Variants in DYM observed in about 807,000 individuals in gnomAD.
DYM encodes dymeclin.
In DYM, 78 loss-of-function variants were observed where a neutral mutation model predicts 93.1. That is an observed-to-expected ratio of 0.84 (90% CI 0.70 to 1.01). The LOEUF (loss-of-function observed/expected upper bound fraction) is 1.01, where lower values mean the gene tolerates loss of function less well. DYM is among the 50% of genes least tolerant of loss of function. The pLI is 0.00. For missense variants in DYM, 789 were observed against 845.0 expected, an observed-to-expected ratio of 0.93 and a Z score of 0.82; for synonymous variants, 321 against 319.7, an observed-to-expected ratio of 1.00 and a Z score of -0.04.
At chr18:49,146,951 C>T (rs2085222069) in intron 15 of DYM, among the ~76,000 whole-genome samples, 1 of 152,184 alleles carries the variant, frequency 6.6e-6, no homozygotes, top group Non-Finnish European at 1.5e-5. Flanking sequence ...AACTACACTA[C>T]AAGGCTACAG....
chr18:49,103,955 A>G (rs1599766816), intron 16 of DYM, among the ~76,000 whole-genome samples: 1 of 152,004 alleles, frequency 6.6e-6, no homozygotes, highest in East Asian at 1.9e-4. Flanking sequence ...GAAGAAGGTC[A>G]TTGGTAGCTT....
At chr18:49,241,286 T>C (rs541647944) in intron 13 of DYM, among the ~76,000 whole-genome samples, 3 of 152,318 alleles carry the variant, frequency 2.0e-5, no homozygotes, top group African/African-American at 7.2e-5. Context: ...GCTTTATCAA[T>C]GTCAGGTCTG....
chr18:49,420,317 G>A (rs575376255), intron 2 of DYM, among the ~76,000 whole-genome samples: 82 of 151,964 alleles, frequency 5.4e-4, no homozygotes, highest in South Asian at 1.0e-3. Context: ...ACAGGCGCCC[G>A]CCACCACGCC....
rs557431146 is a variant in DYM at position 49,433,634 on chromosome 18, G to A, written c.-53-3187C>T. On this transcript the variant is annotated intron_variant, in intron 1 of 17. Transcript: ENST00000675505. The stretch of plus-strand genomic sequence containing the variant: ...TATTATCCCAACATTTTGGGAGGCC[G>A]AGGCAGGTGGATCACTTAAGGCCAG... Among the ~76,000 whole-genome samples, 33 of 152,118 alleles carry A rather than the reference G, an allele frequency of 2.2e-4. No homozygotes were observed. The South Asian group carries it at 2.5e-3, about 11-fold the overall frequency.
At chr18:49,072,879 C>T (rs561751999) in intron 17 of DYM, among the ~76,000 whole-genome samples, 1 of 152,286 alleles carries the variant, frequency 6.6e-6, no homozygotes, top group East Asian at 1.9e-4. Context: ...CTATCGTGTG[C>T]CCCTTCCATT....
At chr18:49,351,081 A>G (rs1226856894) in intron 6 of DYM, among the ~76,000 whole-genome samples, 1 of 152,196 alleles carries the variant, frequency 6.6e-6, no homozygotes, top group East Asian at 1.9e-4. Flanking sequence ...GGTTAAATCT[A>G]CAAAGTCCAG....
chr18:49,309,953 C>T (rs1446118892), intron 8 of DYM, among the ~76,000 whole-genome samples: 1 of 152,144 alleles, frequency 6.6e-6, no homozygotes, highest in African/African-American at 2.4e-5. Flanking sequence ...ACAGGGACAA[C>T]ATAATGGTTC....
intron 14 of DYM, among the ~76,000 whole-genome samples, chr18:49,196,934 A>G (rs1225910234): frequency 1.3e-5 from 2 of 152,162 alleles, no homozygotes; most frequent in Admixed American, 6.5e-5. Context: ...AACAGAGAAA[A>G]AAAAGTAGAG....
chr18:49,208,364 A>G (rs1314006090), intron 14 of DYM: 1 of 152,106 alleles, frequency 6.6e-6, no homozygotes, highest in East Asian at 1.9e-4. Context: ...GCCAGTGGAA[A>G]GTCACTGGGT....
At chr18:49,440,304 T>G (rs1324124372) in intron 1 of DYM, among the ~76,000 whole-genome samples, 1 of 136,756 alleles carries the variant, frequency 7.3e-6, no homozygotes, top group East Asian at 2.5e-4. Flanking sequence ...TATTCCAGAA[T>G]CGCTTTCCTC....
intron 2 of DYM, among the ~76,000 whole-genome samples, chr18:49,418,407 A>C (rs2073249351): frequency 6.6e-6 from 1 of 152,160 alleles, no homozygotes; most frequent in South Asian, 2.1e-4. Context: ...ATTATTCTTC[A>C]TTTTGTTTCA....
intron 2 of DYM, among the ~76,000 whole-genome samples, chr18:49,421,427 G>A (rs1179039618): frequency 6.6e-6 from 1 of 152,206 alleles, no homozygotes; most frequent in South Asian, 2.1e-4. Context: ...CAGACCTGCA[G>A]CTGAGGGTCC....
At chr18:49,344,609 A>T (rs2064428967) in intron 6 of DYM, among the ~76,000 whole-genome samples, 1 of 152,206 alleles carries the variant, frequency 6.6e-6, no homozygotes, top group African/African-American at 2.4e-5. Flanking sequence ...TCTTATTTTT[A>T]AATCATTTTT....
intron 8 of DYM, among the ~76,000 whole-genome samples, chr18:49,316,324 T>C (rs1207324436): frequency 6.6e-6 from 1 of 152,084 alleles, no homozygotes. Flanking sequence ...AAGTTAAATA[T>C]AGAGAAATAT....
Position 49,078,054 on chromosome 18 carries a change from T to C in DYM, c.2025+19348A>G, listed in dbSNP as rs886242457. The stretch of plus-strand genomic sequence containing the variant: ...TGCTTTGGGGAAAAAATTATTTGAA[T>C]GTTTTTAAGAATTCTAATTTTTCTG... On this transcript the variant is annotated intron_variant, in intron 17 of 17. Transcript: ENST00000675505. Among the ~76,000 whole-genome samples the C allele has an allele frequency of 5.9e-5, 9 of 152,346 alleles. No homozygotes were observed. In the East Asian group the frequency reaches 1.5e-3, roughly 26 times the overall value.
At chr18:49,124,523 AAG>A (rs1265374246) in intron 15 of DYM, among the ~76,000 whole-genome samples, 38 of 151,856 alleles carry the variant, frequency 2.5e-4, no homozygotes, top group Admixed American at 2.3e-3. Flanking sequence ...AAAAAAAAAA[AAG>A]AAACTTTATA....
intron 8 of DYM, among the ~76,000 whole-genome samples, chr18:49,311,487 T>C (rs148490245): frequency 1.1e-3 from 175 of 152,264 alleles, no homozygotes; most frequent in African/African-American, 3.9e-3. Flanking sequence ...TAAATGTCCA[T>C]CAATGATAGG....
chr18:49,282,165 A>G lies in DYM; in HGVS notation c.957T>C (p.Pro319=), dbSNP rs542338974. The change falls in exon 10 of 18, where the codon CCT becomes CCC. Residue 319 remains proline (P), a synonymous_variant. Transcript: ENST00000675505. ...MSFKNTQDSS[P]FPSSIPHAFQ... ...AGGCATGTGGAATTGATGAGGGGAAAGGACTGCTATCTGGAATACAGAAAA... is the reference window on the plus strand; with the variant it reads ...AGGCATGTGGAATTGATGAGGGGAAGGGACTGCTATCTGGAATACAGAAAA... The G allele has an allele frequency of 6.2e-5, 100 of 1,613,894 alleles. No homozygotes were observed. In the Admixed American group the frequency reaches 6.8e-4, roughly 11 times the overall value.
chr18:49,282,159 G>C lies in DYM; in HGVS notation c.963C>G (p.Pro321=). 6.2e-7 allele frequency: 1 copy of C among 1,613,888 alleles called. No homozygotes were observed. Among genetic ancestry groups the C allele is most frequent in the Non-Finnish European group, 8.5e-7 (1 of 1,179,862 alleles). The change falls in exon 10 of 18, where the codon CCC becomes CCG. Residue 321 remains proline, a synonymous_variant. Transcript: ENST00000675505. The stretch of plus-strand genomic sequence containing the variant: ...TCTGGAAGGCATGTGGAATTGATGA[G>C]GGGAAAGGACTGCTATCTGGAATAC... ...FKNTQDSSPF[P]SSIPHAFQIN... is the part of the protein sequence containing the mutation.
Sources: allele counts gnomAD v4.1 joint callset (sites outside exome capture counted in the v4.1 genomes callset), GRCh38; gene constraint gnomAD v4.1.1; transcripts MANE v1.5; gene names NCBI Gene and HGNC (gene_info 2026-07-23, HGNC 2026-07-21).